SH2D4A: variants seen among roughly 807,000 people sequenced by gnomAD.
SH2D4A encodes SH2 domain containing 4A.
In SH2D4A, 70 loss-of-function variants were observed where a neutral mutation model predicts 64.7. The ratio of observed to expected loss-of-function variants is 1.08; its 90% CI spans 0.89 to 1.32. The LOEUF is 1.32. Ranked by LOEUF, SH2D4A falls within the 40% of genes most tolerant of loss-of-function variation. The pLI is 0.00. For synonymous variants in SH2D4A, 268 were observed against 200.7 expected, an observed-to-expected ratio of 1.34 and a Z score of -2.83; for missense variants, 706 against 540.1, an observed-to-expected ratio of 1.31 and a Z score of -3.04.
intron 1 of SH2D4A, among the ~76,000 whole-genome samples, chr8:19,315,083 AC>A (rs1483601583): frequency 7.2e-6 from 1 of 138,014 alleles, no homozygotes; most frequent in African/African-American, 2.6e-5. Flanking sequence ...CGTAAAAAAA[AC>A]CGCAGTTACT....
Position 19,354,848 on chromosome 8 carries a change from C to T in SH2D4A, c.514-2355C>T, listed in dbSNP as rs183208628. Among the ~76,000 whole-genome samples, 4 of 152,280 alleles carry T rather than the reference C, an allele frequency of 2.6e-5. No homozygotes were observed. The East Asian group carries it at 7.7e-4, about 29-fold the overall frequency. ...AAGATAACCATCAGATGCCTATTAG[C>T]TTAATGCTAATTCAGGAAGCAACTA... On this transcript the variant is annotated intron_variant, in intron 4 of 9. Coordinates refer to ENST00000265807, the MANE Select transcript of SH2D4A (RefSeq NM_022071.4).
At chr8:19,379,579 T>C (rs767478325) in intron 8 of SH2D4A, among the ~76,000 whole-genome samples, 11 of 152,202 alleles carry the variant, frequency 7.2e-5, no homozygotes, top group Admixed American at 3.3e-4. Context: ...GGTTGAACTT[T>C]ATAGAAACTG....
intron 2 of SH2D4A, among the ~76,000 whole-genome samples, chr8:19,330,474 TTC>T (rs1379297933): frequency 6.6e-6 from 1 of 152,182 alleles, no homozygotes; most frequent in Non-Finnish European, 1.5e-5. Context: ...GGTCACTGTG[TTC>T]TCTCTGTTAC....
chr8:19,376,975 C>G lies in SH2D4A; in HGVS notation c.1048+3315C>G, dbSNP rs147005421. ...TTTTTCTTATGGAATATTTTAAACA[C>G]AAAGTACCAAGAAAAATACAACACC... On this transcript the variant is annotated intron_variant, in intron 8 of 9. Transcript: ENST00000265807. Among the ~76,000 whole-genome samples, 1,056 of 152,200 alleles carry G rather than the reference C, an allele frequency of 6.9e-3. 5 individuals are homozygous for G. Among genetic ancestry groups the G allele is most frequent in the African/African-American group, 0.024 (1,008 of 41,526 alleles).
rs1234365132 is a variant in SH2D4A at position 19,393,352 on chromosome 8, TC to T, written c.1084del (p.Leu362Ter). 6.2e-7 allele frequency: 1 copy of T among 1,614,122 alleles called. No homozygotes were observed. The highest frequency in any genetic ancestry group is 1.7e-5 in the Admixed American group (1 of 60,028). ...LTLKKANELL[L>X]STGMPGSFLI... ...CACTCAAGAAAGCAAATGAACTTCT[TC>T]TGAGCACAGGCATGCCCGGCAGTTT... On this transcript the variant is annotated frameshift_variant, in exon 9 of 10. Coordinates refer to ENST00000265807, the MANE Select transcript of SH2D4A (RefSeq NM_022071.4). LOFTEE classifies it high-confidence loss of function.
intron 8 of SH2D4A, among the ~76,000 whole-genome samples, chr8:19,374,376 G>A (rs924613700): frequency 6.6e-6 from 1 of 152,110 alleles, no homozygotes; most frequent in African/African-American, 2.4e-5. Context: ...CTTCCATAAG[G>A]TCTGTGGTTG....
rs1290040561 is a variant in SH2D4A at position 19,332,510 on chromosome 8, T to C, written c.182-445T>C. Among the ~76,000 whole-genome samples the C allele has an allele frequency of 2.0e-5, 3 of 151,978 alleles. No individual in the cohort carries two copies. In the South Asian group the frequency reaches 6.2e-4, roughly 32 times the overall value. ...TTAGCTGGTCGTGGTGGCAGATGCC[T>C]GTAATGGTGAAACCCTGTCTCTACT... On this transcript the variant is annotated intron_variant, in intron 2 of 9. Coordinates refer to ENST00000265807, the MANE Select transcript of SH2D4A (RefSeq NM_022071.4).
chr8:19,339,495 C>CTTTTTTTTTTTTTTTTTTTTTT (rs5889867), intron 4 of SH2D4A, among the ~76,000 whole-genome samples: 1 of 129,026 alleles, frequency 7.8e-6, no homozygotes. Flanking sequence ...TATAAACTTT[C>CTTTTTTTTTTTTTTTTTTTTTT]TTTTTTTTTT....
At position 19,393,345 on chromosome 8, in the gene SH2D4A, A is replaced by G; in HGVS notation, c.1076A>G (p.Glu359Gly). Residue 359 changes from glutamate (E) to glycine (G), a missense_variant, in exon 9 of 10, where the codon GAA (glutamate) becomes GGA (glycine). Transcript: ENST00000265807. ...ATTCTCACACTCAAGAAAGCAAATG[A>G]ACTTCTTCTGAGCACAGGCATGCCC... Reference protein sequence around the residue: ...HGILTLKKANELLLSTGMPGS... With the variant: ...HGILTLKKANGLLLSTGMPGS... 1.2e-6 allele frequency: 2 copies of G among 1,614,138 alleles called. No individual in the cohort carries two copies. The highest frequency in any genetic ancestry group is 1.7e-6 in the Non-Finnish European group (2 of 1,179,994).
chr8:19,376,773 G>A (rs927965352), intron 8 of SH2D4A, among the ~76,000 whole-genome samples: 3 of 152,272 alleles, frequency 2.0e-5, no homozygotes, highest in East Asian at 3.9e-4. Flanking sequence ...TGGTGAGACT[G>A]TGCTGGTCTG....
chr8:19,332,691 C>CAAAAA (rs58695585), intron 2 of SH2D4A, among the ~76,000 whole-genome samples: 2 of 81,736 alleles, frequency 2.4e-5, no homozygotes, highest in Admixed American at 1.5e-4. Flanking sequence ...GTGAGACTGT[C>CAAAAA]AAAAAAAAAA....
intron 4 of SH2D4A, among the ~76,000 whole-genome samples, chr8:19,349,239 G>A (rs2052660329): frequency 6.6e-6 from 1 of 152,142 alleles, no homozygotes; most frequent in African/African-American, 2.4e-5. Context: ...TAATCAGAGG[G>A]CTACACAACT....
At chr8:19,363,685 C>G (rs1422101404) in intron 6 of SH2D4A, 1 of 287,940 alleles carries the variant, frequency 3.5e-6, no homozygotes, top group East Asian at 8.5e-5. Context: ...GAACATAAGT[C>G]ATGCAGGGCG....
chr8:19,357,250 A>G lies in SH2D4A; in HGVS notation c.561A>G (p.Ser187=). The change falls in exon 5 of 10, where the codon TCA becomes TCG. Residue 187 remains serine (S), a synonymous_variant. Coordinates refer to ENST00000265807, the MANE Select transcript of SH2D4A (RefSeq NM_022071.4). ...ATATTCAACAAATGTTGGCAGATTC[A>G]ATCAATCGTATGAAGGCATATGCAT... is the stretch of plus-strand genomic sequence containing the variant. ...SRNIQQMLAD[S]INRMKAYAFH... 2 of 1,613,990 alleles carry G rather than the reference A, an allele frequency of 1.2e-6. No individual in the cohort carries two copies. The highest frequency in any genetic ancestry group is 1.7e-6 in the Non-Finnish European group (2 of 1,179,852).
intron 4 of SH2D4A, among the ~76,000 whole-genome samples, chr8:19,353,119 G>A (rs749478992): frequency 2.0e-5 from 3 of 152,138 alleles, no homozygotes; most frequent in Non-Finnish European, 4.4e-5. Context: ...AGACTTCAAA[G>A]TGCTTTATAA....
intron 7 of SH2D4A, 96 bp from the exon 8 acceptor site, chr8:19,373,434 A>AGG: frequency 1.4e-6 from 1 of 691,948 alleles, no homozygotes; most frequent in Non-Finnish European, 2.0e-6. Flanking sequence ...ATGTATATGT[A>AGG]TGTGTGTGTG....
At chr8:19,364,387 C>G in intron 7 of SH2D4A, 105 bp downstream of exon 7, 1 of 1,266,260 alleles carries the variant, frequency 7.9e-7, no homozygotes, top group Non-Finnish European at 1.1e-6. Context: ...GTGTGGAGGG[C>G]CAACTGGCAG....
At chr8:19,338,020 C>T (rs2052471799) in intron 4 of SH2D4A, among the ~76,000 whole-genome samples, 1 of 152,172 alleles carries the variant, frequency 6.6e-6, no homozygotes, top group South Asian at 2.1e-4. Context: ...CCTGCACAGC[C>T]TTGATTTCTG....
At chr8:19,350,051 A>T (rs1173192803) in intron 4 of SH2D4A, among the ~76,000 whole-genome samples, 1 of 152,202 alleles carries the variant, frequency 6.6e-6, no homozygotes, top group Non-Finnish European at 1.5e-5. Flanking sequence ...GTTCCATTTC[A>T]TCAGGACTTC....
Sources: gnomAD v4.1 joint callset for allele counts (sites outside exome capture counted in the v4.1 genomes callset) on GRCh38, gnomAD v4.1.1 for gene constraint, MANE v1.5 for transcripts, NCBI Gene and HGNC (gene_info 2026-07-23, HGNC 2026-07-21) for gene names.